Variants in LARGE1 observed in about 807,000 individuals in gnomAD.
LARGE1 encodes LARGE xylosyl- and glucuronyltransferase 1.
Under a neutral mutation model 87.6 loss-of-function variants are expected in LARGE1, and 43 were observed. The ratio of observed to expected loss-of-function variants is 0.49; its 90% CI spans 0.38 to 0.63. The LOEUF (loss-of-function observed/expected upper bound fraction) is 0.63. Ranked by LOEUF, LARGE1 falls within the 30% of genes least tolerant of loss-of-function variation. The pLI, the probability that LARGE1 is intolerant of heterozygous loss-of-function variation, is 0.00. For missense variants in LARGE1, 802 were observed against 1,000.2 expected, an observed-to-expected ratio of 0.80 and a Z score of 2.67; for synonymous variants, 434 against 394.6, an observed-to-expected ratio of 1.10 and a Z score of -1.18.
Position 33,589,402 on chromosome 22 carries a change from T to C in LARGE1, c.615+15033A>G, listed in dbSNP as rs547352367. Among the ~76,000 whole-genome samples the C allele has an allele frequency of 6.6e-5, 10 of 152,356 alleles. No individual in the cohort carries two copies. The South Asian group carries it at 2.1e-3, about 32-fold the overall frequency. ...AATTTATATTGTTGTATACCTTTAC[T>C]CATTGTTCTGTTTATTAATATTTCC... On this transcript the variant is annotated intron_variant, in intron 5 of 14. Transcript: ENST00000397394.
At chr22:33,535,302 G>A (rs996264740) in intron 6 of LARGE1, among the ~76,000 whole-genome samples, 8 of 152,292 alleles carry the variant, frequency 5.3e-5, no homozygotes, top group Middle Eastern at 3.4e-3. Context: ...CCAGCACTTT[G>A]GGAGGCCGAG....
intron 1 of LARGE1, among the ~76,000 whole-genome samples, chr22:33,777,309 G>A (rs1355218674): frequency 6.6e-6 from 1 of 152,040 alleles, no homozygotes; most frequent in Non-Finnish European, 1.5e-5. Context: ...GGAGCCACTC[G>A]AGATTTCCGA....
chr22:33,342,828 C>T (rs1226325762), intron 9 of LARGE1, among the ~76,000 whole-genome samples: 2 of 152,232 alleles, frequency 1.3e-5, no homozygotes, highest in African/African-American at 4.8e-5. Context: ...CAAGCAAAGG[C>T]GGTTCTGAAG....
At chr22:33,618,858 C>G (rs991841679) in intron 4 of LARGE1, among the ~76,000 whole-genome samples, 5 of 152,240 alleles carry the variant, frequency 3.3e-5, no homozygotes, top group Non-Finnish European at 7.3e-5. Flanking sequence ...ACATCCTTCA[C>G]CTATTTTACA....
chr22:33,511,137 G>A (rs1278354052), intron 6 of LARGE1, among the ~76,000 whole-genome samples: 8 of 152,148 alleles, frequency 5.3e-5, no homozygotes, highest in African/African-American at 1.9e-4. Flanking sequence ...CTCCCATTTG[G>A]ACAGATGTTT....
At position 33,766,935 on chromosome 22, in the gene LARGE1, T is replaced by C. The variant is rs941434849; in HGVS notation, c.-82-5377A>G. On this transcript the variant is annotated intron_variant, in intron 1 of 14. Coordinates refer to ENST00000397394, the MANE Select transcript of LARGE1 (RefSeq NM_133642.5). ...ATACATATATATATATATATATATA[T>C]ATATATATATATATATATATATATA... Among the ~76,000 whole-genome samples, 105 of 24,844 alleles carry C rather than the reference T, an allele frequency of 4.2e-3. 2 individuals carry two copies. The highest frequency in any genetic ancestry group is 0.012 in the African/African-American group (96 of 7,784). 16.3% of individuals were successfully genotyped at this position (24,844 alleles called of 152,430 possible).
chr22:33,841,839 T>A (rs5749680), intron 1 of LARGE1, among the ~76,000 whole-genome samples: 36,088 of 152,056 alleles, frequency 0.24, 4,501 homozygotes, highest in East Asian at 0.41. Context: ...TGACTTGCCC[T>A]GAGTCACACT....
intron 2 of LARGE1, among the ~76,000 whole-genome samples, chr22:33,705,669 T>A (rs572981547): frequency 6.6e-6 from 1 of 152,234 alleles, no homozygotes; most frequent in South Asian, 2.1e-4. Context: ...CTCCATTGTA[T>A]CTGCTGAATT....
chr22:33,668,181 A>G (rs1326222309), intron 2 of LARGE1, among the ~76,000 whole-genome samples: 4 of 152,248 alleles, frequency 2.6e-5, no homozygotes, highest in Admixed American at 6.5e-5. Flanking sequence ...ATAGGTAAAG[A>G]TATGCTATAA....
chr22:33,112,260 C>A, the LARGE1 span, among the ~76,000 whole-genome samples: 62 of 152,354 alleles, frequency 4.1e-4, no homozygotes, highest in South Asian at 9.5e-3. Flanking sequence ...ATGGCTGTGC[C>A]ACTTGCTATG....
chr22:33,496,265 C>T (rs1044058434), intron 6 of LARGE1, among the ~76,000 whole-genome samples: 1 of 152,150 alleles, frequency 6.6e-6, no homozygotes, highest in African/African-American at 2.4e-5. Flanking sequence ...TTTCCTAGTC[C>T]ACTGACTCAA....
At chr22:33,807,892 A>G (rs1318041061) in intron 1 of LARGE1, among the ~76,000 whole-genome samples, 4 of 152,140 alleles carry the variant, frequency 2.6e-5, no homozygotes, top group Non-Finnish European at 1.5e-5. Flanking sequence ...TGGTTTATTT[A>G]TCCATTCACC....
chr22:33,678,505 GC>G (rs1326341638), intron 2 of LARGE1, among the ~76,000 whole-genome samples: 2 of 152,204 alleles, frequency 1.3e-5, no homozygotes, highest in Non-Finnish European at 2.9e-5. Flanking sequence ...ACATAAAAGT[GC>G]ACTAGGAAGA....
At chr22:33,369,728 C>G (rs1216282072) in intron 9 of LARGE1, among the ~76,000 whole-genome samples, 1 of 152,036 alleles carries the variant, frequency 6.6e-6, no homozygotes. Flanking sequence ...ATCACCACAC[C>G]CGGCTAATTT....
chr22:33,097,791 G>T, the LARGE1 span, among the ~76,000 whole-genome samples: 1 of 152,126 alleles, frequency 6.6e-6, no homozygotes, highest in Non-Finnish European at 1.5e-5. Flanking sequence ...CTAAAATAAC[G>T]GGTATAATAT....
chr22:33,522,638 C>A (rs1308323218), intron 6 of LARGE1, among the ~76,000 whole-genome samples: 2 of 152,048 alleles, frequency 1.3e-5, no homozygotes, highest in Non-Finnish European at 2.9e-5. Flanking sequence ...CAAGACCAGC[C>A]TGGCCAACAT....
intron 1 of LARGE1, among the ~76,000 whole-genome samples, chr22:33,809,264 C>T (rs2086416068): frequency 1.2e-5 from 1 of 86,448 alleles, no homozygotes; most frequent in Non-Finnish European, 2.6e-5. Flanking sequence ...GAGTGAGACT[C>T]CATCTCAAAA....
chr22:33,356,382 T>C (rs1280914388), intron 9 of LARGE1, among the ~76,000 whole-genome samples: 1 of 152,222 alleles, frequency 6.6e-6, no homozygotes, highest in African/African-American at 2.4e-5. Flanking sequence ...GGACACATGA[T>C]GTGAAGGTCA....
At chr22:33,208,514 T>A (rs1051913696) in intron 11 of LARGE1, among the ~76,000 whole-genome samples, 2 of 152,166 alleles carry the variant, frequency 1.3e-5, no homozygotes, top group Non-Finnish European at 2.9e-5. Context: ...TCTATGAGCA[T>A]CCTTCTAGAA....
Sources: gnomAD v4.1 joint callset for allele counts (sites outside exome capture counted in the v4.1 genomes callset) on GRCh38, gnomAD v4.1.1 for gene constraint, MANE v1.5 for transcripts, NCBI Gene and HGNC (gene_info 2026-07-23, HGNC 2026-07-21) for gene names.